PAK1IP1: variants seen among roughly 807,000 people sequenced by gnomAD.
The protein encoded by PAK1IP1 is p21-activated protein kinase-interacting protein 1.
In PAK1IP1, 24 loss-of-function variants were observed where a neutral mutation model predicts 42.0. That is an observed-to-expected ratio of 0.57 (90% CI 0.41 to 0.80). PAK1IP1 has a LOEUF of 0.80. Among genes scored for constraint, PAK1IP1 ranks in the 30% least tolerant of loss-of-function variants. The pLI is 0.00. For synonymous variants in PAK1IP1, 154 were observed against 156.7 expected (o/e 0.98, Z 0.13); for missense variants, 411 against 467.9 (o/e 0.88, Z 1.12).
intron 2 of PAK1IP1, among the ~76,000 whole-genome samples, chr6:10,699,491 G>T (rs139670889): frequency 3.9e-5 from 6 of 152,312 alleles, no homozygotes; most frequent in Admixed American, 6.5e-5. Context: ...CCCGGCTTGT[G>T]GTTTGGTTTT....
intron 7 of PAK1IP1, among the ~76,000 whole-genome samples, chr6:10,706,756 G>T (rs1770213716): frequency 6.6e-6 from 1 of 151,940 alleles, no homozygotes; most frequent in Non-Finnish European, 1.5e-5. Flanking sequence ...GGTGGCGCAC[G>T]CCTGTAATCC....
At chr6:10,706,882 G>A (rs1026864472) in intron 7 of PAK1IP1, among the ~76,000 whole-genome samples, 1 of 149,194 alleles carries the variant, frequency 6.7e-6, no homozygotes, top group Non-Finnish European at 1.5e-5. Context: ...ATAGAGCAAG[G>A]CTCCATCTCA....
chr6:10,706,117 T>C (rs560008312), intron 7 of PAK1IP1, among the ~76,000 whole-genome samples: 1 of 152,258 alleles, frequency 6.6e-6, no homozygotes, highest in South Asian at 2.1e-4. Context: ...AGCAGATCAT[T>C]ATAACAGGAT....
chr6:10,694,913 T>G (rs1017519858), upstream of PAK1IP1: 29 of 913,996 alleles, frequency 3.2e-5, no homozygotes, highest in Middle Eastern at 3.0e-4. Flanking sequence ...GTTTTTTTTT[T>G]TTTTTTTTTG....
chr6:10,700,503 G>A (rs1489264133), intron 2 of PAK1IP1, among the ~76,000 whole-genome samples: 1 of 152,160 alleles, frequency 6.6e-6, no homozygotes, highest in East Asian at 1.9e-4. Flanking sequence ...GAATTTTGGG[G>A]GACACTTTCA....
intron 1 of PAK1IP1, among the ~76,000 whole-genome samples, chr6:10,695,416 A>G (rs548264229): frequency 2.5e-4 from 38 of 152,308 alleles, no homozygotes; most frequent in African/African-American, 9.1e-4. Context: ...TCTTTTGCTG[A>G]ATTTCTGCCC....
chr6:10,702,336 A>G, intron 2 of PAK1IP1, 33 bp from the exon 3 acceptor site: 1 of 1,575,398 alleles, frequency 6.3e-7, no homozygotes, highest in African/African-American at 1.3e-5. Flanking sequence ...TTTAAAATGA[A>G]TATTATTTTT....
In PAK1IP1 at chr6:10,703,096, C is replaced by G. The variant is rs570122530; in HGVS notation, c.444-309C>G. 7.7e-4 allele frequency among the ~76,000 whole-genome samples: 118 copies of G among 152,286 alleles called. 5 individuals are homozygous for G. The South Asian group carries it at 0.024, about 31-fold the overall frequency. On this transcript the variant is annotated intron_variant, in intron 4 of 9. Coordinates refer to ENST00000379568, the MANE Select transcript of PAK1IP1 (RefSeq NM_017906.3). ...CTGGGATTACAGGCGTGAGCCACCA[C>G]GCCCAGCCAACAAGCTCCGTTTTCA...
chr6:10,695,725 C>A (rs1769803981), intron 1 of PAK1IP1, among the ~76,000 whole-genome samples: 1 of 152,162 alleles, frequency 6.6e-6, no homozygotes, highest in African/African-American at 2.4e-5. Flanking sequence ...GACTAGGAAT[C>A]CGACCTCCTA....
chr6:10,700,894 C>T (rs1323183223), intron 2 of PAK1IP1, among the ~76,000 whole-genome samples: 2 of 151,896 alleles, frequency 1.3e-5, no homozygotes, highest in Non-Finnish European at 2.9e-5. Context: ...GGTAAACGTC[C>T]CATGGTGGTT....
At chr6:10,708,842 A>T in intron 8 of PAK1IP1, 111 bp from the exon 9 acceptor site, 1 of 880,930 alleles carries the variant, frequency 1.1e-6, no homozygotes, top group South Asian at 1.7e-5. Context: ...GCTTCTGAAT[A>T]TCATATTTTG....
upstream of PAK1IP1, chr6:10,694,566 C>T (rs1769693071): frequency 5.4e-6 from 1 of 183,490 alleles, no homozygotes; most frequent in African/African-American, 2.4e-5. Context: ...ACACAGCCCA[C>T]AACAATGCAC....
At position 10,709,357 on chromosome 6, in the gene PAK1IP1, A is replaced by G. The variant is rs147259600; in HGVS notation, c.1084A>G (p.Thr362Ala). ...TTTAACAGGTGACAGTAAGAAAGCAACAAAAGAAAGTGGCCTGATATCAAC... is the reference window on the plus strand; with the variant it reads ...TTTAACAGGTGACAGTAAGAAAGCAGCAAAAGAAAGTGGCCTGATATCAAC... Reference protein sequence around the residue: ...RGLTGDSKKATKESGLISTKK... With the variant: ...RGLTGDSKKAAKESGLISTKK... Residue 362 changes from threonine (T) to alanine (A), a missense_variant, in exon 10 of 10, where the codon ACA (threonine) becomes GCA (alanine). By Grantham distance (58) the Thr-to-Ala change is moderately conservative. Transcript: ENST00000379568. The G allele has an allele frequency of 2.1e-4, 341 of 1,614,082 alleles. 1 individual carries two copies. In the African/African-American group the frequency reaches 4.0e-3, roughly 19 times the overall value.
rs374370664 is a variant in PAK1IP1 at position 10,697,383 on chromosome 6, A to G, written c.144A>G (p.Val48=). The change falls in exon 2 of 10, where the codon GTA becomes GTG. Residue 48 remains valine, a synonymous_variant. Transcript: ENST00000379568. ...CTCACACTGCCTCCTTGTCAGCAGT[A>G]GCTGTAAATAGTCGTTTTGTGGTCA... is the stretch of plus-strand genomic sequence containing the variant. The part of the protein sequence containing the change: ...HHAHTASLSA[V]AVNSRFVVTG... 1.2e-6 allele frequency: 2 copies of G among 1,613,794 alleles called. No homozygotes were observed. Among genetic ancestry groups the G allele is most frequent in the Non-Finnish European group, 1.7e-6 (2 of 1,179,678 alleles).
intron 7 of PAK1IP1, 99 bp from the exon 8 acceptor site, chr6:10,707,316 G>T: frequency 1.3e-6 from 1 of 744,920 alleles, no homozygotes; most frequent in South Asian, 1.6e-5. Flanking sequence ...GGAAATACTT[G>T]AAACATTGAG....
upstream of PAK1IP1, among the ~76,000 whole-genome samples, chr6:10,690,892 A>C (rs193060501): frequency 2.1e-3 from 327 of 152,326 alleles, 2 homozygotes; most frequent in African/African-American, 7.4e-3. Flanking sequence ...GCTCAGTTCC[A>C]ATCCAGTTAA....
chr6:10,702,367 A>G lies in PAK1IP1; in HGVS notation c.248-2A>G. 1 of 1,612,714 alleles carries G rather than the reference A, an allele frequency of 6.2e-7. No individual in the cohort carries two copies. The highest frequency in any genetic ancestry group is 8.5e-7 in the Non-Finnish European group (1 of 1,178,996). On this transcript the variant is annotated splice_acceptor_variant, in intron 2 of 9. Coordinates refer to ENST00000379568, the MANE Select transcript of PAK1IP1 (RefSeq NM_017906.3). LOFTEE classifies it high-confidence loss of function. ...TTTTTGCCTATTTTGGTTTTTCCAT[A>G]GGTACAATAACTTGCCTGAAATTCT...
intron 2 of PAK1IP1, among the ~76,000 whole-genome samples, chr6:10,698,078 C>T (rs1455313787): frequency 6.6e-6 from 1 of 152,176 alleles, no homozygotes; most frequent in Non-Finnish European, 1.5e-5. Context: ...GGAGAAAGGA[C>T]ATTCCAGGCA....
chr6:10,693,807 C>T (rs560216632), upstream of PAK1IP1, among the ~76,000 whole-genome samples: 4 of 152,290 alleles, frequency 2.6e-5, no homozygotes, highest in South Asian at 8.3e-4. Flanking sequence ...CGGCTCACTG[C>T]AGCCTCGACC....
Sources: gnomAD v4.1 joint callset for allele counts (sites outside exome capture counted in the v4.1 genomes callset) on GRCh38, gnomAD v4.1.1 for gene constraint, MANE v1.5 for transcripts, NCBI Gene and HGNC (gene_info 2026-07-23, HGNC 2026-07-21) for gene names.